The following NPAS3 variants were observed in gnomAD, a reference collection of about 807,000 sequenced individuals.
NPAS3 encodes the protein neuronal PAS domain protein 3, also known as neuronal PAS domain-containing protein 3.
A neutral mutation model predicts 73.1 loss-of-function variants in NPAS3; 14 were observed. The ratio of observed to expected loss-of-function variants is 0.19; its 90% confidence interval spans 0.13 to 0.30. NPAS3 has a LOEUF of 0.30. NPAS3 is among the 10% of genes least tolerant of loss of function. The pLI, the probability that NPAS3 is intolerant of heterozygous loss-of-function variation, is 1.00. For missense variants in NPAS3, 1,096 were observed against 1,250.0 expected (o/e 0.88, Z 1.86); for synonymous variants, 620 against 541.5 (o/e 1.14, Z -2.01).
chr14:33,385,928 AATCCGGGT>A (rs1359732693), intron 4 of NPAS3, among the ~76,000 whole-genome samples: 1 of 152,230 alleles, frequency 6.6e-6, no homozygotes, highest in Non-Finnish European at 1.5e-5. Flanking sequence ...TCAGAAGCCC[AATCCGGGT>A]ACTATGAGTG....
intron 1 of NPAS3, among the ~76,000 whole-genome samples, chr14:33,035,876 G>A (rs1380263657): frequency 1.3e-5 from 2 of 152,104 alleles, no homozygotes; most frequent in Admixed American, 6.6e-5. Context: ...TCATTTCCTA[G>A]TGGATGTGTG....
At chr14:33,130,958 A>G (rs1188654069) in intron 2 of NPAS3, among the ~76,000 whole-genome samples, 1 of 152,098 alleles carries the variant, frequency 6.6e-6, no homozygotes, top group Non-Finnish European at 1.5e-5. Context: ...GGGACAACGG[A>G]AGCCTCAGAG....
chr14:33,342,915 A>T (rs1321937097), intron 3 of NPAS3, among the ~76,000 whole-genome samples: 1 of 151,960 alleles, frequency 6.6e-6, no homozygotes, highest in Non-Finnish European at 1.5e-5. Flanking sequence ...TTTTTAGCCC[A>T]TATGTGTCAT....
chr14:33,743,035 T>A (rs949725337), intron 7 of NPAS3, among the ~76,000 whole-genome samples: 1 of 152,216 alleles, frequency 6.6e-6, no homozygotes, highest in Non-Finnish European at 1.5e-5. Context: ...CACTGAAGTC[T>A]TGAGCACCTC....
intron 3 of NPAS3, among the ~76,000 whole-genome samples, chr14:33,246,558 G>T (rs1448893127): frequency 8.5e-6 from 1 of 117,014 alleles, no homozygotes. Context: ...AAAAAAAAAA[G>T]AAGAACTAAG....
At chr14:32,971,026 C>A (rs1240349635) in intron 1 of NPAS3, among the ~76,000 whole-genome samples, 1 of 152,018 alleles carries the variant, frequency 6.6e-6, no homozygotes, top group East Asian at 1.9e-4. Flanking sequence ...ATGGCACTCT[C>A]TCTTCTCTGT....
chr14:33,768,190 G>A (rs571283394), intron 7 of NPAS3, among the ~76,000 whole-genome samples: 5 of 152,280 alleles, frequency 3.3e-5, no homozygotes, highest in Admixed American at 2.6e-4. Context: ...GCTGGCATCC[G>A]GGCAGTGCTG....
intron 5 of NPAS3, among the ~76,000 whole-genome samples, chr14:33,659,102 G>A (rs1429712739): frequency 2.6e-5 from 4 of 152,126 alleles, no homozygotes; most frequent in African/African-American, 4.8e-5. Context: ...ATGCACCAAG[G>A]TTTGTAGAAA....
chr14:33,144,431 C>T (rs553056485), intron 2 of NPAS3, among the ~76,000 whole-genome samples: 2 of 152,342 alleles, frequency 1.3e-5, no homozygotes, highest in Non-Finnish European at 2.9e-5. Context: ...GTAACGTTTT[C>T]ATCAGTTGCT....
intron 5 of NPAS3, among the ~76,000 whole-genome samples, chr14:33,647,862 T>C (rs2058878701): frequency 6.6e-6 from 1 of 152,176 alleles, no homozygotes. Flanking sequence ...GATAAACATG[T>C]AAACCTATAG....
chr14:33,476,268 T>C (rs2051032071), intron 4 of NPAS3, among the ~76,000 whole-genome samples: 1 of 152,224 alleles, frequency 6.6e-6, no homozygotes, highest in Admixed American at 6.5e-5. Flanking sequence ...ATTCCCTCTA[T>C]GCTCATTGTA....
chr14:33,444,471 T>C (rs908347670), intron 4 of NPAS3, among the ~76,000 whole-genome samples: 5 of 152,188 alleles, frequency 3.3e-5, no homozygotes, highest in Non-Finnish European at 5.9e-5. Context: ...TTAGTTTGAG[T>C]CTGCAGATTC....
At chr14:33,608,921 C>A (rs960850295) in intron 5 of NPAS3, among the ~76,000 whole-genome samples, 3 of 152,166 alleles carry the variant, frequency 2.0e-5, no homozygotes, top group Admixed American at 1.3e-4. Context: ...CCCAGACATA[C>A]GGTGCATATG....
intron 2 of NPAS3, among the ~76,000 whole-genome samples, chr14:33,150,183 T>C (rs1273780507): frequency 1.3e-5 from 2 of 152,324 alleles, no homozygotes; most frequent in East Asian, 3.9e-4. Context: ...ACCCAGTCTA[T>C]CATTATAGCT....
intron 5 of NPAS3, among the ~76,000 whole-genome samples, chr14:33,657,347 C>A (rs1400707105): frequency 6.6e-6 from 1 of 152,128 alleles, no homozygotes. Flanking sequence ...AACCAACAAG[C>A]ATTTATTGAG....
intron 1 of NPAS3, among the ~76,000 whole-genome samples, chr14:32,961,834 C>G (rs2036933943): frequency 1.3e-5 from 2 of 152,050 alleles, no homozygotes; most frequent in Non-Finnish European, 2.9e-5. Context: ...CATTTAGATT[C>G]TTTTTAGGAA....
intron 4 of NPAS3, among the ~76,000 whole-genome samples, chr14:33,404,678 G>T (rs2047588421): frequency 6.6e-6 from 1 of 151,844 alleles, no homozygotes; most frequent in Non-Finnish European, 1.5e-5. Flanking sequence ...TTAATTAGAG[G>T]CCACCTAGCT....
chr14:33,775,456 T>G (rs2062783244), intron 8 of NPAS3, among the ~76,000 whole-genome samples: 1 of 152,080 alleles, frequency 6.6e-6, no homozygotes, highest in South Asian at 2.1e-4. Context: ...AATGGTCAAG[T>G]GACTTGGGGA....
chr14:33,527,560 C>T (rs1224999398), intron 4 of NPAS3, among the ~76,000 whole-genome samples: 2 of 152,058 alleles, frequency 1.3e-5, no homozygotes, highest in South Asian at 2.1e-4. Flanking sequence ...AATGCACACC[C>T]GTTATGAGTT....
Sources: allele counts gnomAD v4.1 joint callset (sites outside exome capture counted in the v4.1 genomes callset), GRCh38; gene constraint gnomAD v4.1.1; transcripts MANE v1.5; gene names NCBI Gene and HGNC (gene_info 2026-07-23, HGNC 2026-07-21).